NAA50: variants seen among roughly 807,000 people sequenced by gnomAD.
The protein encoded by NAA50 is N-alpha-acetyltransferase 50, NatE catalytic subunit.
A neutral mutation model predicts 20.7 loss-of-function variants in NAA50; 7 were observed. That is an observed-to-expected ratio of 0.34 (90% CI 0.19 to 0.63). The LOEUF (loss-of-function observed/expected upper bound fraction) is 0.63. NAA50 is among the 30% of genes least tolerant of loss of function. NAA50 has a pLI of 0.75. For synonymous variants in NAA50, 54 were observed against 70.6 expected (o/e 0.77, Z 1.18); for missense variants, 111 against 199.1 (o/e 0.56, Z 2.66).
intron 1 of NAA50, among the ~76,000 whole-genome samples, chr3:113,737,825 C>T (rs1708366552): frequency 6.6e-6 from 1 of 152,030 alleles, no homozygotes; most frequent in Non-Finnish European, 1.5e-5. Context: ...CCAAAAGTGT[C>T]TTCAGACATT....
At chr3:113,727,646 A>G (rs934934079) in intron 1 of NAA50, among the ~76,000 whole-genome samples, 6 of 151,698 alleles carry the variant, frequency 4.0e-5, no homozygotes, top group Non-Finnish European at 8.8e-5. Flanking sequence ...TTTTTTTTAA[A>G]GCACACCATA....
rs73226540 is a variant in NAA50, at chr3:113,721,890, A to G, written c.380T>C (p.Phe127Ser). Residue 127 changes from phenylalanine (F) to serine (S), a missense_variant, in exon 5 of 5, where the codon TTT becomes TCT. By Grantham distance (155) the Phe-to-Ser change is radical (BLOSUM62 -2). Coordinates refer to ENST00000240922, the MANE Select transcript of NAA50 (RefSeq NM_025146.4). ...NESAIDFYRK[F>S]GFEIIETKKN... Reference sequence around the variant, plus strand: ...CTTTGTCTCAATAATCTCAAAGCCAAACTTCCTGTAGAAGTCAATTGCCGA... The same window carrying G: ...CTTTGTCTCAATAATCTCAAAGCCAGACTTCCTGTAGAAGTCAATTGCCGA... 7.2e-5 allele frequency: 117 copies of G among 1,613,910 alleles called. No individual in the cohort carries two copies. The highest frequency in any genetic ancestry group is 9.7e-5 in the Non-Finnish European group (115 of 1,179,834).
At chr3:113,743,566 TTTG>T (rs1236216762) in intron 1 of NAA50, among the ~76,000 whole-genome samples, 62 of 152,228 alleles carry the variant, frequency 4.1e-4, no homozygotes, top group African/African-American at 1.3e-3. Context: ...ACACAACTCA[TTTG>T]TTGAGTGTCT....
intron 1 of NAA50, among the ~76,000 whole-genome samples, chr3:113,733,716 G>T (rs545621341): frequency 2.6e-5 from 4 of 151,680 alleles, no homozygotes; most frequent in Non-Finnish European, 5.9e-5. Flanking sequence ...AGCCAGGTGT[G>T]GTGGCGCACA....
At position 113,724,203 on chromosome 3, in the gene NAA50, C is replaced by T. The variant is rs369357553; in HGVS notation, c.9-108G>A. 34 of 1,196,688 alleles carry T rather than the reference C, an allele frequency of 2.8e-5. 1 individual carries two copies. The African/African-American group carries it at 4.7e-4, about 17-fold the overall frequency. The allele number at this position is 1,196,688 out of a possible 1,614,324, so 74.1% of individuals were successfully genotyped here. ...TTTTACATGATTGATAAATCCAACTCTTTCAGAGTTGATTTATAAGCAAAT... is the reference window on the plus strand; with the variant it reads ...TTTTACATGATTGATAAATCCAACTTTTTCAGAGTTGATTTATAAGCAAAT... On this transcript the variant is annotated intron_variant, in intron 1 of 4. Coordinates refer to ENST00000240922, the MANE Select transcript of NAA50 (RefSeq NM_025146.4).
intron 1 of NAA50, among the ~76,000 whole-genome samples, chr3:113,726,743 C>CA (rs537817145): frequency 0.073 from 7,722 of 105,710 alleles, 234 homozygotes; most frequent in South Asian, 0.14. Context: ...GACTCCGCCT[C>CA]AAAAAAAAAA....
chr3:113,722,871 C>T (rs1327031772), intron 4 of NAA50, 35 bp downstream of exon 4: 1 of 1,488,812 alleles, frequency 6.7e-7, no homozygotes, highest in Non-Finnish European at 9.0e-7. Flanking sequence ...CAATTAAACC[C>T]CTTTGATAAG....
rs1708107591 is a variant in NAA50 at position 113,719,597 on chromosome 3, TACAA to T, written c.*2159_*2162del. On this transcript the variant is annotated 3_prime_UTR_variant, in exon 5 of 5. Transcript: ENST00000240922. ...GTTTGATGTAGGACAATTAACCCTTTACAAACATTTACAATTCAGGTTAAGTCAC... is the reference window on the plus strand; with the variant it reads ...GTTTGATGTAGGACAATTAACCCTTTACATTTACAATTCAGGTTAAGTCAC... The T allele has an allele frequency of 6.6e-6, 1 of 152,464 alleles. No homozygotes were observed. The highest frequency in any genetic ancestry group is 2.1e-4 in the South Asian group (1 of 4,834). The allele number at this position is 152,464 out of a possible 1,614,324, so 9.4% of individuals were successfully genotyped here. A position where few individuals can be genotyped will look rare whatever the true frequency, so the allele number is the denominator to read the frequency against.
chr3:113,717,739 C>G lies in NAA50; in HGVS notation c.*4021G>C, dbSNP rs1708075649. 1 of 152,220 alleles carries G rather than the reference C, an allele frequency of 6.6e-6. No individual in the cohort carries two copies. Among genetic ancestry groups the G allele is most frequent in the African/African-American group, 2.4e-5 (1 of 41,450 alleles). 9.4% of individuals were successfully genotyped at this position (152,220 alleles called of 1,614,324 possible). On this transcript the variant is annotated 3_prime_UTR_variant, in exon 5 of 5. Coordinates refer to ENST00000240922, the MANE Select transcript of NAA50 (RefSeq NM_025146.4). Reference sequence around the variant, plus strand: ...ACTAGTCTCCCCTCCCCACTGAAAACCCAACCACAAGAGCACAGCCTTTAG... The same window carrying G: ...ACTAGTCTCCCCTCCCCACTGAAAAGCCAACCACAAGAGCACAGCCTTTAG...
intron 1 of NAA50, among the ~76,000 whole-genome samples, chr3:113,729,663 C>A (rs1462757932): frequency 1.3e-5 from 2 of 152,122 alleles, no homozygotes; most frequent in Non-Finnish European, 2.9e-5. Context: ...CTGCCTCAGC[C>A]TTCCAAGTAG....
chr3:113,727,518 TAA>T (rs1272823695), intron 1 of NAA50, among the ~76,000 whole-genome samples: 3 of 152,084 alleles, frequency 2.0e-5, no homozygotes, highest in South Asian at 2.1e-4. Flanking sequence ...AGTTAACTAC[TAA>T]AAAAAGTTTC....
chr3:113,744,241 C>T (rs568835471), intron 1 of NAA50, among the ~76,000 whole-genome samples: 1 of 152,194 alleles, frequency 6.6e-6, no homozygotes, highest in Admixed American at 6.5e-5. Context: ...GTGGGTGGAT[C>T]GCTTGAGCTC....
At chr3:113,734,200 CAG>C (rs1437002853) in intron 1 of NAA50, among the ~76,000 whole-genome samples, 1 of 152,090 alleles carries the variant, frequency 6.6e-6, no homozygotes, top group Non-Finnish European at 1.5e-5. Flanking sequence ...ATTAAAGTAA[CAG>C]AACACTCAAT....
rs1708098897 is a variant in NAA50 at position 113,718,975 on chromosome 3, A to C, written c.*2785T>G. 1 of 152,680 alleles carries C rather than the reference A, an allele frequency of 6.5e-6. No individual in the cohort carries two copies. The highest frequency in any genetic ancestry group is 1.5e-5 in the Non-Finnish European group (1 of 68,038). 9.5% of individuals were successfully genotyped at this position (152,680 alleles called of 1,614,324 possible). ...ATTCAACAATACAGTTTTGACATTT[A>C]CAGATATCACAGATCACTACCAGAA... On this transcript the variant is annotated 3_prime_UTR_variant, in exon 5 of 5. Coordinates refer to ENST00000240922, the MANE Select transcript of NAA50 (RefSeq NM_025146.4).
chr3:113,745,125 A>G (rs1708472892), intron 1 of NAA50, among the ~76,000 whole-genome samples: 1 of 152,224 alleles, frequency 6.6e-6, no homozygotes, highest in Non-Finnish European at 1.5e-5. Context: ...ATACAACTTA[A>G]TGGTAAGGAG....
intron 1 of NAA50, among the ~76,000 whole-genome samples, chr3:113,734,637 T>G (rs1171373006): frequency 6.6e-6 from 1 of 152,182 alleles, no homozygotes; most frequent in Non-Finnish European, 1.5e-5. Flanking sequence ...AGGCAAGACC[T>G]TCAAACATTT....
chr3:113,745,112 A>C (rs1303170181), intron 1 of NAA50, among the ~76,000 whole-genome samples: 1 of 152,252 alleles, frequency 6.6e-6, no homozygotes, highest in Non-Finnish European at 1.5e-5. Context: ...ATACATTAAA[A>C]CTATACAACT....
rs1308294021 is a variant in NAA50, at chr3:113,718,760, T to C, written c.*3000A>G. On this transcript the variant is annotated 3_prime_UTR_variant, in exon 5 of 5. Coordinates refer to ENST00000240922, the MANE Select transcript of NAA50 (RefSeq NM_025146.4). ...AGACAGTTCCTTGGATCTTACTTTT[T>C]CCCTCTCATTGGAACTGAATTGTAG... is the stretch of plus-strand genomic sequence containing the variant. 3 of 152,364 alleles carry C rather than the reference T, an allele frequency of 2.0e-5. No individual in the cohort carries two copies. The highest frequency in any genetic ancestry group is 2.9e-5 in the Non-Finnish European group (2 of 68,026). The allele number at this position is 152,364 out of a possible 1,614,324, so 9.4% of individuals were successfully genotyped here. A position where few individuals can be genotyped will look rare whatever the true frequency, so the allele number is the denominator to read the frequency against.
chr3:113,734,316 G>A (rs1207490609), intron 1 of NAA50, among the ~76,000 whole-genome samples: 1 of 152,100 alleles, frequency 6.6e-6, no homozygotes. Flanking sequence ...GAGAAGGGAG[G>A]GAGGGGCAAG....
Sources: allele counts gnomAD v4.1 joint callset (sites outside exome capture counted in the v4.1 genomes callset), GRCh38; gene constraint gnomAD v4.1.1; transcripts MANE v1.5; gene names NCBI Gene and HGNC (gene_info 2026-07-23, HGNC 2026-07-21).